FAM117B: variants seen among roughly 807,000 people sequenced by gnomAD.
FAM117B encodes the protein protein FAM117B.
Under a neutral mutation model 52.8 loss-of-function variants are expected in FAM117B, and 22 were observed. The observed-to-expected ratio is 0.42, with a 90% CI of 0.30 to 0.59. FAM117B has a LOEUF of 0.59. Among genes scored for constraint, FAM117B ranks in the 20% least tolerant of loss-of-function variants. The pLI is 0.22. For synonymous variants in FAM117B, 309 were observed against 324.1 expected, an observed-to-expected ratio of 0.95 and a Z score of 0.50; for missense variants, 678 against 802.6, an observed-to-expected ratio of 0.84 and a Z score of 1.88.
At chr2:202,690,112 G>A (rs1690599044) in intron 1 of FAM117B, among the ~76,000 whole-genome samples, 1 of 152,110 alleles carries the variant, frequency 6.6e-6, no homozygotes, top group African/African-American at 2.4e-5. Context: ...CATAGTTGGG[G>A]AACTCTGAAC....
chr2:202,638,870 TTGAA>T (rs1348793573), intron 1 of FAM117B, among the ~76,000 whole-genome samples: 4 of 152,238 alleles, frequency 2.6e-5, no homozygotes, highest in African/African-American at 9.6e-5. Context: ...ATACTCTAGT[TTGAA>T]TGTCTCATAG....
At position 202,686,737 on chromosome 2, in the gene FAM117B, G is replaced by T. The variant is rs1421456936; in HGVS notation, c.602-9144G>T. 8.5e-5 allele frequency among the ~76,000 whole-genome samples: 13 copies of T among 152,146 alleles called. No individual in the cohort carries two copies. The East Asian group carries it at 2.5e-3, about 29-fold the overall frequency. ...CAAGAGAATCTCCTGAACCTGGGAGGGGGAGGTTGCAGTGAGCTGAGATTG... is the reference window on the plus strand; with the variant it reads ...CAAGAGAATCTCCTGAACCTGGGAGTGGGAGGTTGCAGTGAGCTGAGATTG... On this transcript the variant is annotated intron_variant, in intron 1 of 7. Transcript: ENST00000392238.
At chr2:202,686,637 C>T (rs572969178) in intron 1 of FAM117B, among the ~76,000 whole-genome samples, 111 of 152,042 alleles carry the variant, frequency 7.3e-4, no homozygotes, top group African/African-American at 2.5e-3. Flanking sequence ...GTGAAACCCG[C>T]CTCTACTAAA....
chr2:202,657,466 T>A lies in FAM117B; in HGVS notation c.601+21678T>A, dbSNP rs1690070819. ...TGAGACCATTTACAGTTGTTGACAT[T>A]ATTGATATATTTGGATATAGGTGTG... is the stretch of plus-strand genomic sequence containing the variant. On this transcript the variant is annotated intron_variant, in intron 1 of 7. Transcript: ENST00000392238. 2.6e-5 allele frequency among the ~76,000 whole-genome samples: 4 copies of A among 152,136 alleles called. No homozygotes were observed. The South Asian group carries it at 8.3e-4, about 31-fold the overall frequency.
chr2:202,720,026 A>T (rs555333055), intron 2 of FAM117B, among the ~76,000 whole-genome samples: 1 of 152,316 alleles, frequency 6.6e-6, no homozygotes, highest in East Asian at 1.9e-4. Context: ...AGTTTGATCC[A>T]TCAGAACCCT....
rs796845561 is a variant in FAM117B, at chr2:202,667,623, T to C, written c.602-28258T>C. 9.8e-5 allele frequency among the ~76,000 whole-genome samples: 15 copies of C among 152,304 alleles called. No homozygotes were observed. The East Asian group carries it at 2.9e-3, about 29-fold the overall frequency. ...TCAAGGTATTCCTGAATGGTACTGG[T>C]GTTATGTTTTAGACCAATCTCAAGA... On this transcript the variant is annotated intron_variant, in intron 1 of 7. Coordinates refer to ENST00000392238, the MANE Select transcript of FAM117B (RefSeq NM_173511.4).
At chr2:202,705,482 C>T (rs1315115026) in intron 2 of FAM117B, among the ~76,000 whole-genome samples, 1 of 152,102 alleles carries the variant, frequency 6.6e-6, no homozygotes, top group Non-Finnish European at 1.5e-5. Context: ...AAGGTATTCT[C>T]TTTTTTTCCT....
intron 4 of FAM117B, among the ~76,000 whole-genome samples, chr2:202,751,664 C>T (rs1271317241): frequency 1.3e-5 from 2 of 149,662 alleles, no homozygotes; most frequent in African/African-American, 2.5e-5. Flanking sequence ...CCCAGCTACT[C>T]GGGAGGCTGA....
At chr2:202,671,595 C>G (rs868373458) in intron 1 of FAM117B, among the ~76,000 whole-genome samples, 3 of 152,214 alleles carry the variant, frequency 2.0e-5, no homozygotes, top group Non-Finnish European at 2.9e-5. Flanking sequence ...GTGTTCTCCA[C>G]ACTGGCTGTG....
chr2:202,741,581 T>C (rs927823738), intron 4 of FAM117B, among the ~76,000 whole-genome samples: 1 of 150,780 alleles, frequency 6.6e-6, no homozygotes, highest in Admixed American at 6.6e-5. Flanking sequence ...CTGTTGCCCA[T>C]GCTGGAGTGC....
intron 1 of FAM117B, among the ~76,000 whole-genome samples, chr2:202,637,280 CG>C (rs1559091123): frequency 3.4e-5 from 5 of 148,240 alleles, no homozygotes; most frequent in Non-Finnish European, 7.5e-5. Flanking sequence ...TTTTTTGAGA[CG>C]GAGTCTTGCT....
intron 1 of FAM117B, among the ~76,000 whole-genome samples, chr2:202,640,678 C>T (rs866399676): frequency 2.0e-5 from 3 of 151,502 alleles, no homozygotes; most frequent in South Asian, 2.1e-4. Context: ...GGCACGATCT[C>T]GGCTCACTGC....
intron 2 of FAM117B, among the ~76,000 whole-genome samples, chr2:202,699,202 G>A (rs1230704827): frequency 6.6e-6 from 1 of 151,826 alleles, no homozygotes; most frequent in South Asian, 2.1e-4. Context: ...TGAGGTGGGC[G>A]GATCACCTGA....
intron 2 of FAM117B, among the ~76,000 whole-genome samples, chr2:202,720,759 TTTTTAAATGAATTATTCA>T (rs1435408844): frequency 6.6e-6 from 1 of 152,178 alleles, no homozygotes; most frequent in African/African-American, 2.4e-5. Flanking sequence ...TTACATTAAG[TTTTTAAATGAATTATTCA>T]CTTTGGAAAG....
At chr2:202,661,865 G>A (rs904680811) in intron 1 of FAM117B, among the ~76,000 whole-genome samples, 6 of 148,956 alleles carry the variant, frequency 4.0e-5, no homozygotes, top group African/African-American at 1.5e-4. Flanking sequence ...GCAGTGAGCC[G>A]AGATCATGCC....
chr2:202,643,028 C>T (rs1477091533), intron 1 of FAM117B, among the ~76,000 whole-genome samples: 1 of 152,134 alleles, frequency 6.6e-6, no homozygotes, highest in African/African-American at 2.4e-5. Flanking sequence ...GCCTTTGAAT[C>T]TGGCATGTAG....
intron 1 of FAM117B, among the ~76,000 whole-genome samples, chr2:202,688,759 T>C (rs994277260): frequency 2.6e-5 from 4 of 152,206 alleles, no homozygotes; most frequent in African/African-American, 7.2e-5. Context: ...TGTGATGTTA[T>C]AGGTTTTTGC....
chr2:202,695,694 A>T (rs573415520), intron 1 of FAM117B, among the ~76,000 whole-genome samples, 187 bp from the exon 2 acceptor site: 15 of 152,212 alleles, frequency 9.9e-5, no homozygotes, highest in Non-Finnish European at 1.8e-4. Flanking sequence ...AGGAAAAAAC[A>T]GTGTATATAG....
At chr2:202,723,701 C>T (rs1691186594) in intron 2 of FAM117B, among the ~76,000 whole-genome samples, 1 of 152,134 alleles carries the variant, frequency 6.6e-6, no homozygotes, top group South Asian at 2.1e-4. Flanking sequence ...TTCAGTCTTA[C>T]TTGTAAGAAC....
Sources: allele counts gnomAD v4.1 joint callset (sites outside exome capture counted in the v4.1 genomes callset), GRCh38; gene constraint gnomAD v4.1.1; transcripts MANE v1.5; gene names NCBI Gene and HGNC (gene_info 2026-07-23, HGNC 2026-07-21).